Variants in KTN1 observed in about 807,000 individuals in gnomAD.
The protein encoded by KTN1 is kinectin 1.
A neutral mutation model predicts 222.5 loss-of-function variants in KTN1; 130 were observed. The ratio of observed to expected loss-of-function variants is 0.58; its 90% CI spans 0.51 to 0.68. The LOEUF (loss-of-function observed/expected upper bound fraction) is 0.68. KTN1 is among the 30% of genes least tolerant of loss of function. KTN1 has a pLI of 0.00. For missense variants in KTN1, 1,508 were observed against 1,500.4 expected (o/e 1.01, Z -0.08); for synonymous variants, 512 against 496.3 (o/e 1.03, Z -0.42).
chr14:55,624,728 G>A (rs1486614918), intron 5 of KTN1, among the ~76,000 whole-genome samples: 1 of 152,162 alleles, frequency 6.6e-6, no homozygotes, highest in Non-Finnish European at 1.5e-5. Flanking sequence ...GAAAGATACT[G>A]AAGAGGAGCG....
intron 22 of KTN1, 77 bp downstream of exon 22, chr14:55,649,890 T>A: frequency 1.2e-6 from 1 of 821,728 alleles, no homozygotes; most frequent in Non-Finnish European, 1.9e-6. Flanking sequence ...GAAATCTAGT[T>A]TTATTGTGCA....
intron 37 of KTN1, 54 bp downstream of exon 37, chr14:55,671,931 CCAG>C: frequency 9.7e-7 from 1 of 1,033,932 alleles, no homozygotes; most frequent in Non-Finnish European, 1.5e-6. Context: ...GGGGCTTGAA[CCAG>C]CAGCATCAGC....
chr14:55,594,676 A>T (rs1203406683), intron 1 of KTN1, among the ~76,000 whole-genome samples: 1 of 152,168 alleles, frequency 6.6e-6, no homozygotes, highest in Non-Finnish European at 1.5e-5. Flanking sequence ...TAATTTTAGT[A>T]GGGAATTATG....
Position 55,653,553 on chromosome 14 carries a change from T to G in KTN1, c.2764-6T>G. On this transcript the variant is annotated splice_polypyrimidine_tract_variant and splice_region_variant and intron_variant, in intron 27 of 43. Coordinates refer to ENST00000395314, the MANE Select transcript of KTN1 (RefSeq NM_001079521.2). Reference sequence around the variant, plus strand: ...ACAGCATTAAAAATATGATTCTGTTTCTCAGGCCTCTTCTGCATCACAGTT... The same window carrying G: ...ACAGCATTAAAAATATGATTCTGTTGCTCAGGCCTCTTCTGCATCACAGTT... 6.2e-7 allele frequency: 1 copy of G among 1,608,394 alleles called. No homozygotes were observed. The highest frequency in any genetic ancestry group is 8.5e-7 in the Non-Finnish European group (1 of 1,175,650).
At chr14:55,639,399 T>C (rs1282536414) in intron 13 of KTN1, among the ~76,000 whole-genome samples, 177 bp downstream of exon 13, 4 of 150,630 alleles carry the variant, frequency 2.7e-5, no homozygotes, top group Non-Finnish European at 5.9e-5. Context: ...CATTAGTGAG[T>C]TGGGTCCCTA....
At chr14:55,647,138 C>A in intron 19 of KTN1, 131 bp downstream of exon 19, 1 of 641,726 alleles carries the variant, frequency 1.6e-6, no homozygotes, top group Non-Finnish European at 2.7e-6. Flanking sequence ...TTTGGGATTA[C>A]ATTACCGTTT....
intron 21 of KTN1, 37 bp downstream of exon 21, chr14:55,648,907 GTTTT>G: frequency 1.5e-6 from 2 of 1,348,582 alleles, no homozygotes; most frequent in Non-Finnish European, 2.1e-6. Flanking sequence ...TTGTCTCTGT[GTTTT>G]TTGTTTGTTT....
intron 25 of KTN1, 64 bp from the exon 26 acceptor site, chr14:55,652,786 A>G (rs1377448972): frequency 5.4e-6 from 6 of 1,116,544 alleles, no homozygotes; most frequent in African/African-American, 3.2e-5. Context: ...TTCAGTGTCT[A>G]AGATTTTTGC....
At chr14:55,667,423 G>A in intron 34 of KTN1, 93 bp downstream of exon 34, 1 of 646,402 alleles carries the variant, frequency 1.5e-6, no homozygotes, top group South Asian at 2.1e-5. Context: ...GGTTTCAGTA[G>A]AGTGCTGATT....
At chr14:55,637,487 A>T in intron 11 of KTN1, 123 bp downstream of exon 11, 2 of 786,886 alleles carry the variant, frequency 2.5e-6, no homozygotes. Flanking sequence ...AATAATTATA[A>T]CTTTGTCTTT....
At chr14:55,633,817 T>C (rs2040801171) in intron 8 of KTN1, among the ~76,000 whole-genome samples, 1 of 152,108 alleles carries the variant, frequency 6.6e-6, no homozygotes, top group Admixed American at 6.6e-5. Context: ...TCACTGACTC[T>C]GAGGTAGAGC....
chr14:55,641,364 T>C (rs1263327130), intron 17 of KTN1, among the ~76,000 whole-genome samples, 156 bp downstream of exon 17: 1 of 152,144 alleles, frequency 6.6e-6, no homozygotes, highest in Non-Finnish European at 1.5e-5. Flanking sequence ...AATTTTATCA[T>C]AGACTTTCCC....
At chr14:55,610,356 T>A (rs2037356170) in intron 1 of KTN1, among the ~76,000 whole-genome samples, 1 of 150,664 alleles carries the variant, frequency 6.6e-6, no homozygotes, top group African/African-American at 2.4e-5. Flanking sequence ...AACAATTGGT[T>A]AAAAAAAAAA....
chr14:55,671,712 C>T (rs2045467160), intron 36 of KTN1, 57 bp downstream of exon 36: 2 of 1,522,856 alleles, frequency 1.3e-6, no homozygotes, highest in Non-Finnish European at 1.8e-6. Context: ...TACCTTCTTC[C>T]TTCATGGCCT....
At chr14:55,621,054 C>T (rs560927041) in intron 5 of KTN1, among the ~76,000 whole-genome samples, 20 of 152,240 alleles carry the variant, frequency 1.3e-4, no homozygotes, top group African/African-American at 3.9e-4. Context: ...CCTAAATCAT[C>T]TCCCTCAAGT....
chr14:55,583,604 TATCTTAC>T (rs2140292632), intron 1 of KTN1, among the ~76,000 whole-genome samples: 1 of 152,374 alleles, frequency 6.6e-6, no homozygotes, highest in East Asian at 1.9e-4. Context: ...TTGTTCATTC[TATCTTAC>T]ATCTTCTACT....
At chr14:55,594,027 G>T (rs1015008781) in intron 1 of KTN1, among the ~76,000 whole-genome samples, 1 of 151,924 alleles carries the variant, frequency 6.6e-6, no homozygotes, top group Admixed American at 6.6e-5. Flanking sequence ...AATTTTTATT[G>T]CATTTCTCAC....
intron 2 of KTN1, 87 bp downstream of exon 2, chr14:55,612,658 G>T: frequency 9.6e-7 from 1 of 1,037,898 alleles, no homozygotes; most frequent in East Asian, 2.8e-5. Flanking sequence ...TACACAGAAT[G>T]TTTAATATTG....
rs996857945 is a variant in KTN1, at chr14:55,664,837, G to A, written c.3177+796G>A. 5.3e-5 allele frequency among the ~76,000 whole-genome samples: 8 copies of A among 152,054 alleles called. 1 individual carries two copies. Among genetic ancestry groups the A allele is most frequent in the Admixed American group, 2.6e-4 (4 of 15,252 alleles). On this transcript the variant is annotated intron_variant, in intron 33 of 43. Coordinates refer to ENST00000395314, the MANE Select transcript of KTN1 (RefSeq NM_001079521.2). The stretch of plus-strand genomic sequence containing the variant: ...TCCTGTCAAGTGTAAATGTGAAACA[G>A]GGGTATTGAATTTTGCAGACAGGTA...
Sources: gnomAD v4.1 joint callset for allele counts (sites outside exome capture counted in the v4.1 genomes callset) on GRCh38, gnomAD v4.1.1 for gene constraint, MANE v1.5 for transcripts, NCBI Gene and HGNC (gene_info 2026-07-23, HGNC 2026-07-21) for gene names.